Variants in TRPC4 observed in about 807,000 individuals in gnomAD.
TRPC4 encodes the protein short transient receptor potential channel 4.
TRPC4 carries 49 observed loss-of-function variants against 99.4 expected under a neutral mutation model. That is an observed-to-expected ratio of 0.49 (90% CI 0.39 to 0.63). The LOEUF is 0.63. TRPC4 is among the 20% of genes least tolerant of loss of function. The pLI is 0.00. For synonymous variants in TRPC4, 454 were observed against 425.9 expected (o/e 1.07, Z -0.81); for missense variants, 898 against 1,152.9 (o/e 0.78, Z 3.20).
chr13:37,707,652 C>T (rs1003413326), intron 3 of TRPC4, among the ~76,000 whole-genome samples: 1 of 152,092 alleles, frequency 6.6e-6, no homozygotes, highest in Non-Finnish European at 1.5e-5. Context: ...ACCATAACTA[C>T]TGCAATATGA....
At position 37,637,597 on chromosome 13, in the gene TRPC4, C is replaced by T. The variant is rs759976587; in HGVS notation, c.2240G>A (p.Arg747His). The change falls in exon 11 of 11, where the codon CGC becomes CAC. Residue 747 changes from arginine (R) to histidine (H), a missense_variant. Coordinates refer to ENST00000379705, the MANE Select transcript of TRPC4 (RefSeq NM_016179.4). ...TCTTAGTAATCCCAGGACTTCAAAGCGGAAACTAGAAATGTCTTGCTTTAG... is the reference window on the plus strand; with the variant it reads ...TCTTAGTAATCCCAGGACTTCAAAGTGGAAACTAGAAATGTCTTGCTTTAG... The part of the protein sequence containing the change: ...KELKQDISSF[R>H]FEVLGLLRGS... 7 of 1,594,176 alleles carry T rather than the reference C, an allele frequency of 4.4e-6. No individual in the cohort carries two copies. Among genetic ancestry groups the T allele is most frequent in the Admixed American group, 3.6e-5 (2 of 55,066 alleles).
At chr13:37,684,774 C>T (rs369980868) in intron 4 of TRPC4, among the ~76,000 whole-genome samples, 4 of 146,566 alleles carry the variant, frequency 2.7e-5, no homozygotes, top group African/African-American at 5.0e-5. Context: ...TTATTTCTTT[C>T]GATTTTCCTG....
At chr13:37,790,227 C>G (rs1957081050) in intron 1 of TRPC4, among the ~76,000 whole-genome samples, 1 of 151,924 alleles carries the variant, frequency 6.6e-6, no homozygotes, top group Admixed American at 6.6e-5. Context: ...AGTATAAGGA[C>G]TATTTTTATT....
intron 2 of TRPC4, among the ~76,000 whole-genome samples, chr13:37,779,506 C>T (rs562673729): frequency 6.6e-6 from 1 of 151,694 alleles, no homozygotes; most frequent in Non-Finnish European, 1.5e-5. Context: ...ATGATCTATA[C>T]CCATCTATTT....
intron 6 of TRPC4, among the ~76,000 whole-genome samples, chr13:37,662,095 G>T (rs1313904672): frequency 6.6e-6 from 1 of 152,004 alleles, no homozygotes; most frequent in Non-Finnish European, 1.5e-5. Flanking sequence ...GATCCCTTGA[G>T]GTTAGGAGTT....
intron 3 of TRPC4, among the ~76,000 whole-genome samples, chr13:37,701,245 T>G (rs1053183549): frequency 2.0e-5 from 3 of 152,184 alleles, no homozygotes; most frequent in Non-Finnish European, 2.9e-5. Context: ...AAAGTATCTG[T>G]TGAATGGAAA....
rs933002603 is a variant in TRPC4 at position 37,714,161 on chromosome 13, CT to C, written c.898-21827del. ...TTCTCTCTCTTTTTTTTGTCTTACT[CT>C]GTCGCCCAGGCTGGAGTGCAGTGGT... On this transcript the variant is annotated intron_variant, in intron 3 of 10. Coordinates refer to ENST00000379705, the MANE Select transcript of TRPC4 (RefSeq NM_016179.4). Among the ~76,000 whole-genome samples the C allele has an allele frequency of 6.2e-4, 94 of 150,756 alleles. 1 individual carries two copies. Among genetic ancestry groups the C allele is most frequent in the African/African-American group, 2.2e-3 (92 of 41,000 alleles).
At chr13:37,812,341 T>C (rs1957725823) in intron 1 of TRPC4, among the ~76,000 whole-genome samples, 1 of 149,460 alleles carries the variant, frequency 6.7e-6, no homozygotes, top group Admixed American at 6.6e-5. Flanking sequence ...AGCATATAAG[T>C]ATGAAAAAAA....
chr13:37,789,598 T>C (rs1957059463), intron 1 of TRPC4, among the ~76,000 whole-genome samples: 1 of 152,216 alleles, frequency 6.6e-6, no homozygotes, highest in Non-Finnish European at 1.5e-5. Flanking sequence ...AGGGTCAAAT[T>C]GTCTTAACCA....
intron 1 of TRPC4, among the ~76,000 whole-genome samples, chr13:37,805,300 T>G (rs1957504033): frequency 6.6e-6 from 1 of 152,038 alleles, no homozygotes; most frequent in Non-Finnish European, 1.5e-5. Flanking sequence ...AGACAACTTA[T>G]TTCTATCAAT....
At chr13:37,639,425 T>C (rs889046382) in intron 8 of TRPC4, 126 bp from the exon 9 acceptor site, 2 of 903,620 alleles carry the variant, frequency 2.2e-6, no homozygotes, top group East Asian at 2.7e-5. Flanking sequence ...TACTAGTCAA[T>C]GGACAATGGC....
intron 1 of TRPC4, among the ~76,000 whole-genome samples, chr13:37,821,787 C>T (rs1272266134): frequency 6.6e-6 from 1 of 152,098 alleles, no homozygotes; most frequent in Admixed American, 6.6e-5. Flanking sequence ...TGGGTCTTTC[C>T]TTACACAATA....
chr13:37,723,335 A>G (rs947854163), intron 3 of TRPC4, among the ~76,000 whole-genome samples: 3 of 152,226 alleles, frequency 2.0e-5, no homozygotes, highest in African/African-American at 7.2e-5. Context: ...CAATGAGAAT[A>G]AACACCTAAT....
chr13:37,750,975 C>T (rs1237279846), intron 2 of TRPC4, among the ~76,000 whole-genome samples: 3 of 152,052 alleles, frequency 2.0e-5, no homozygotes, highest in Non-Finnish European at 4.4e-5. Flanking sequence ...GTGAAGTTTT[C>T]TTCGTTAAAA....
rs202092283 is a variant in TRPC4, at chr13:37,655,059, T to C, written c.1884+29A>G. 39 of 1,441,122 alleles carry C rather than the reference T, an allele frequency of 2.7e-5. No individual in the cohort carries two copies. In the East Asian group the frequency reaches 6.4e-4, roughly 24 times the overall value. 89.3% of individuals were successfully genotyped at this position (1,441,122 alleles called of 1,614,324 possible). On this transcript the variant is annotated intron_variant, in intron 7 of 10. Coordinates refer to ENST00000379705, the MANE Select transcript of TRPC4 (RefSeq NM_016179.4). ...AGAACAACACATTCTAGAGGAAACA[T>C]TGAATTAAAATAAAGCTGGTCAACT... is the stretch of plus-strand genomic sequence containing the variant.
intron 3 of TRPC4, among the ~76,000 whole-genome samples, chr13:37,701,022 G>T (rs1419022121): frequency 3.3e-5 from 5 of 152,064 alleles, no homozygotes; most frequent in Non-Finnish European, 5.9e-5. Flanking sequence ...CAGAGAAAAA[G>T]TTATGTGTTT....
intron 1 of TRPC4, among the ~76,000 whole-genome samples, chr13:37,787,743 A>G (rs1957007930): frequency 6.6e-6 from 1 of 152,048 alleles, no homozygotes; most frequent in Non-Finnish European, 1.5e-5. Context: ...TACATTACTC[A>G]ACAACAACAA....
chr13:37,770,699 G>T (rs57460722), intron 2 of TRPC4, among the ~76,000 whole-genome samples: 1 of 151,388 alleles, frequency 6.6e-6, no homozygotes, highest in Non-Finnish European at 1.5e-5. Flanking sequence ...ATATGAATTA[G>T]CAACATTTAA....
At chr13:37,654,207 A>C (rs1160634373) in intron 7 of TRPC4, among the ~76,000 whole-genome samples, 1 of 152,138 alleles carries the variant, frequency 6.6e-6, no homozygotes, top group Non-Finnish European at 1.5e-5. Context: ...CAGTAATAAC[A>C]CTTCAGAGAT....
Sources: gnomAD v4.1 joint callset for allele counts (sites outside exome capture counted in the v4.1 genomes callset) on GRCh38, gnomAD v4.1.1 for gene constraint, MANE v1.5 for transcripts, NCBI Gene and HGNC (gene_info 2026-07-23, HGNC 2026-07-21) for gene names.